Variants in NDUFAF6 observed in about 807,000 individuals in gnomAD.
NDUFAF6 encodes the protein NADH:ubiquinone oxidoreductase complex assembly factor 6.
In NDUFAF6, 45 loss-of-function variants were observed where a neutral mutation model predicts 40.8. The observed-to-expected ratio is 1.10, with a 90% CI of 0.87 to 1.42. The LOEUF (loss-of-function observed/expected upper bound fraction) is 1.42, where lower values mean the gene tolerates loss of function less well. NDUFAF6 is among the 40% of genes most tolerant of loss of function. The pLI, the probability that NDUFAF6 is intolerant of heterozygous loss-of-function variation, is 0.00. For synonymous variants in NDUFAF6, 185 were observed against 155.9 expected (o/e 1.19, Z -1.39); for missense variants, 435 against 418.5 (o/e 1.04, Z -0.34).
chr8:95,093,354 G>A (rs1005377726), intron 2 of NDUFAF6, among the ~76,000 whole-genome samples: 6 of 152,172 alleles, frequency 3.9e-5, no homozygotes, highest in Non-Finnish European at 8.8e-5. Flanking sequence ...AAGCAGCACT[G>A]AAACATGACA....
At chr8:95,011,521 G>A (rs1044568472) in intron 2 of NDUFAF6, among the ~76,000 whole-genome samples, 19 of 152,150 alleles carry the variant, frequency 1.2e-4, no homozygotes, top group African/African-American at 3.4e-4. Context: ...TGGTAAGAAC[G>A]GAGAGTGACA....
chr8:95,094,015 G>A (rs565693385), intron 2 of NDUFAF6, among the ~76,000 whole-genome samples: 25 of 152,108 alleles, frequency 1.6e-4, no homozygotes, highest in Non-Finnish European at 3.4e-4. Context: ...CTGTTGCCCA[G>A]GCTAGAGTGC....
At chr8:94,973,681 C>A (rs10081474) in intron 1 of NDUFAF6, among the ~76,000 whole-genome samples, 69,160 of 147,900 alleles carry the variant, frequency 0.47, 17,048 homozygotes, top group East Asian at 0.72. Flanking sequence ...GCACTCCAGC[C>A]TGGGCGACAA....
chr8:95,085,211 C>T (rs1356327751), intron 2 of NDUFAF6, among the ~76,000 whole-genome samples: 1 of 152,102 alleles, frequency 6.6e-6, no homozygotes, highest in Non-Finnish European at 1.5e-5. Context: ...CCATAAAGTT[C>T]CCTTTTTGGA....
At chr8:95,023,560 A>G (rs559842069), upstream of NDUFAF6, among the ~76,000 whole-genome samples, 36 of 152,350 alleles carry the variant, frequency 2.4e-4, no homozygotes, top group South Asian at 7.4e-3. Flanking sequence ...AGAAAGAACC[A>G]GTCTGGCCAT....
chr8:94,958,522 CTTTTTTTTTTTTTT>C (rs55703438), intron 1 of NDUFAF6, among the ~76,000 whole-genome samples: 13 of 71,276 alleles, frequency 1.8e-4, no homozygotes, highest in African/African-American at 4.1e-4. Flanking sequence ...TAGTCACATT[CTTTTTTTTTTTTTT>C]TTTTTTTTTT....
chr8:95,081,251 G>A (rs1808858570), intron 2 of NDUFAF6, among the ~76,000 whole-genome samples: 1 of 134,974 alleles, frequency 7.4e-6, no homozygotes, highest in Non-Finnish European at 1.5e-5. Context: ...TATAACCTCT[G>A]CCTCCCAAGT....
downstream of NDUFAF6, among the ~76,000 whole-genome samples, chr8:95,059,680 C>T (rs1832518825): frequency 6.6e-6 from 1 of 152,092 alleles, no homozygotes; most frequent in African/African-American, 2.4e-5. Context: ...GAAACCCCAT[C>T]TCTACTTAAA....
chr8:95,072,216 G>A (rs182767831), intron 9 of NDUFAF6, among the ~76,000 whole-genome samples: 3 of 152,072 alleles, frequency 2.0e-5, no homozygotes, highest in African/African-American at 7.2e-5. Context: ...ATGTTGCGGT[G>A]CCCTACTTCG....
downstream of NDUFAF6, among the ~76,000 whole-genome samples, chr8:95,079,535 A>G (rs1388380038): frequency 6.6e-6 from 1 of 152,160 alleles, no homozygotes; most frequent in Non-Finnish European, 1.5e-5. Context: ...TTGTGGAATC[A>G]CTAAGTCTCT....
chr8:95,085,078 C>T (rs1808997323), intron 2 of NDUFAF6, among the ~76,000 whole-genome samples: 1 of 152,158 alleles, frequency 6.6e-6, no homozygotes, highest in Admixed American at 6.5e-5. Context: ...TTATTAATGG[C>T]TACTGGCTTT....
intron 1 of NDUFAF6, among the ~76,000 whole-genome samples, chr8:94,924,155 G>T (rs1819698141): frequency 6.6e-6 from 1 of 152,000 alleles, no homozygotes; most frequent in Admixed American, 6.6e-5. Flanking sequence ...CCGCCTCCCG[G>T]GTTCAAGCGA....
chr8:95,094,338 T>C (rs7008347), intron 2 of NDUFAF6, among the ~76,000 whole-genome samples: 38,972 of 149,362 alleles, frequency 0.26, 6,441 homozygotes, highest in African/African-American at 0.47. Context: ...AACTATTCTA[T>C]GTCTTTCCTT....
At chr8:95,004,270 G>A (rs546506837) in intron 2 of NDUFAF6, among the ~76,000 whole-genome samples, 18 of 151,528 alleles carry the variant, frequency 1.2e-4, no homozygotes, top group Admixed American at 1.1e-3. Flanking sequence ...TCTCCAGCTC[G>A]CTATGGGCTC....
chr8:95,096,576 C>T (rs1563866675), upstream of NDUFAF6, among the ~76,000 whole-genome samples: 1 of 152,182 alleles, frequency 6.6e-6, no homozygotes, highest in South Asian at 2.1e-4. Flanking sequence ...TATCATTCTT[C>T]TCATTTTATG....
chr8:95,080,290 G>C (rs982617357), downstream of NDUFAF6, among the ~76,000 whole-genome samples: 3 of 147,182 alleles, frequency 2.0e-5, no homozygotes, highest in Non-Finnish European at 4.5e-5. Flanking sequence ...TTTTTGTAGT[G>C]TATTTTTTGT....
At chr8:95,069,795 T>TTATA (rs1239142680) in intron 9 of NDUFAF6, among the ~76,000 whole-genome samples, 4 of 142,152 alleles carry the variant, frequency 2.8e-5, no homozygotes, top group Non-Finnish European at 4.6e-5. Context: ...AAAAAAAAAA[T>TTATA]TATATATATA....
In NDUFAF6 at chr8:95,051,385, G is replaced by C. The variant is rs148681959; in HGVS notation, c.817-789G>C. Reference sequence around the variant, plus strand: ...TTACATGCTACAGAGAGATTGAAGAGAAAAGATAGATGTGGTGATTAGTAA... The same window carrying C: ...TTACATGCTACAGAGAGATTGAAGACAAAAGATAGATGTGGTGATTAGTAA... On this transcript the variant is annotated intron_variant, in intron 7 of 8. Transcript: ENST00000396124. 9.7e-4 allele frequency among the ~76,000 whole-genome samples: 148 copies of C among 152,308 alleles called. 4 individuals carry two copies. In the East Asian group the frequency reaches 0.022, roughly 22 times the overall value.
rs1832474985 is a variant in NDUFAF6 at position 95,058,688 on chromosome 8, C to T, written c.*751C>T. The T allele has an allele frequency of 9.7e-7, 1 of 1,027,012 alleles. No individual in the cohort carries two copies. The highest frequency in any genetic ancestry group is 1.2e-6 in the Non-Finnish European group (1 of 857,920). 63.6% of individuals were successfully genotyped at this position (1,027,012 alleles called of 1,614,324 possible). The stretch of plus-strand genomic sequence containing the variant: ...TATGAACGGTATTGTATTGAACATC[C>T]ATTAAAGGGTTGCTACACTTTATAC... On this transcript the variant is annotated 3_prime_UTR_variant, in exon 9 of 9. Transcript: ENST00000396124.
Sources: allele counts gnomAD v4.1 joint callset (sites outside exome capture counted in the v4.1 genomes callset), GRCh38; gene constraint gnomAD v4.1.1; transcripts MANE v1.5; gene names NCBI Gene and HGNC (gene_info 2026-07-23, HGNC 2026-07-21).